KLHL4: variants seen among roughly 807,000 people sequenced by gnomAD.
KLHL4 encodes kelch-like protein 4.
Under a neutral mutation model 45.8 loss-of-function variants are expected in KLHL4, and 17 were observed. The observed-to-expected ratio is 0.37, with a 90% CI of 0.25 to 0.56. KLHL4 has a LOEUF of 0.56. KLHL4 is among the 20% of genes least tolerant of loss of function. KLHL4 has a pLI of 0.79. For synonymous variants in KLHL4, 224 were observed against 189.9 expected, an observed-to-expected ratio of 1.18 and a Z score of -1.47; for missense variants, 544 against 544.9, an observed-to-expected ratio of 1.00 and a Z score of 0.02.
chrX:87,606,355 G>T (rs5924056), intron 1 of KLHL4, among the ~76,000 whole-genome samples: 40,886 of 109,308 alleles, frequency 0.37, 5,950 homozygotes, highest in Middle Eastern at 0.47. Context: ...CCTAAAATTG[G>T]TAGAAGAAAA....
intron 1 of KLHL4, among the ~76,000 whole-genome samples, chrX:87,530,273 T>C (rs1403261434): frequency 9.5e-6 from 1 of 105,801 alleles, no homozygotes; most frequent in Non-Finnish European, 2.0e-5. Context: ...ATTTAAGTCT[T>C]TTTTTTTTTA....
chrX:87,617,785 T>C (rs1477404659), intron 3 of KLHL4, 147 bp from the exon 4 acceptor site: 1 of 441,899 alleles, frequency 2.3e-6, no homozygotes, highest in African/African-American at 2.5e-5. Flanking sequence ...CAGACTCTCT[T>C]GCGTATATTA....
At chrX:87,530,001 A>C (rs1056642903) in intron 1 of KLHL4, among the ~76,000 whole-genome samples, 1 of 111,656 alleles carries the variant, frequency 9.0e-6, no homozygotes, top group Non-Finnish European at 1.9e-5. Context: ...AGTGTGATAA[A>C]AATTCATCTC....
chrX:87,538,430 T>G (rs1031294009), intron 1 of KLHL4, among the ~76,000 whole-genome samples: 1 of 112,187 alleles, frequency 8.9e-6, no homozygotes, highest in African/African-American at 3.2e-5. Context: ...TTTTTGTTTT[T>G]TAGTGTTCCT....
In KLHL4 at chrX:87,649,391, T is replaced by C. The variant is rs140078748; in HGVS notation, c.1925+13616T>C. On this transcript the variant is annotated intron_variant, in intron 9 of 10. Transcript: ENST00000373119. The stretch of plus-strand genomic sequence containing the variant: ...TTTTTAAGGCTGAATATCATTATTA[T>C]AGTAGTTCCGTACATATTCTGGAAA... 8.7e-3 allele frequency among the ~76,000 whole-genome samples: 976 copies of C among 111,879 alleles called. 7 individuals are homozygous for C. The highest frequency in any genetic ancestry group is 0.03 in the African/African-American group (913 of 30,901).
intron 9 of KLHL4, among the ~76,000 whole-genome samples, chrX:87,655,608 G>A (rs748352635): frequency 9.0e-6 from 1 of 111,128 alleles, no homozygotes; most frequent in Non-Finnish European, 1.9e-5. Flanking sequence ...CTTGTAAGAA[G>A]TGTATGGTCG....
intron 1 of KLHL4, among the ~76,000 whole-genome samples, chrX:87,562,561 T>A (rs991081261): frequency 1.8e-5 from 2 of 108,991 alleles, no homozygotes; most frequent in African/African-American, 6.7e-5. Context: ...AAAAAAAAAA[T>A]TGTCTTTCAA....
Position 87,557,816 on chromosome X carries a change from G to T in KLHL4, c.422+39501G>T, listed in dbSNP as rs138500509. Among the ~76,000 whole-genome samples the T allele has an allele frequency of 4.2e-3, 470 of 111,500 alleles. 5 individuals carry two copies. The highest frequency in any genetic ancestry group is 0.015 in the African/African-American group (452 of 30,711). ...GGTACATGGATATAAATTTGAATTA[G>T]GAAGGGATCACAGTCCTCTTTCTTT... On this transcript the variant is annotated intron_variant, in intron 1 of 10. Transcript: ENST00000373119.
At chrX:87,580,725 A>T in intron 1 of KLHL4, among the ~76,000 whole-genome samples, 1 of 112,440 alleles carries the variant, frequency 8.9e-6, no homozygotes, top group East Asian at 2.8e-4. Context: ...TATATAAAAT[A>T]AACATTAAAG....
At chrX:87,660,220 A>G (rs1380594621) in intron 9 of KLHL4, among the ~76,000 whole-genome samples, 1 of 111,644 alleles carries the variant, frequency 9.0e-6, no homozygotes, top group East Asian at 2.8e-4. Context: ...AAGTTAGGGT[A>G]CAAGCCTGAC....
intron 1 of KLHL4, among the ~76,000 whole-genome samples, chrX:87,554,075 A>G (rs1931902366): frequency 1.0e-5 from 1 of 99,128 alleles, no homozygotes; most frequent in African/African-American, 3.7e-5. Context: ...CCATTGATCT[A>G]TATCTCTGTT....
chrX:87,534,531 G>A (rs1009729908), intron 1 of KLHL4, among the ~76,000 whole-genome samples: 15 of 111,213 alleles, frequency 1.3e-4, no homozygotes, highest in African/African-American at 6.5e-5. Context: ...TGACCAGGCG[G>A]ATGCTTAAAA....
chrX:87,623,831 T>C (rs1482056057), intron 5 of KLHL4, among the ~76,000 whole-genome samples: 1 of 111,811 alleles, frequency 8.9e-6, no homozygotes, highest in Admixed American at 9.6e-5. Flanking sequence ...TTAGAATCTA[T>C]GGAAATTTTA....
intron 9 of KLHL4, among the ~76,000 whole-genome samples, chrX:87,646,018 C>T (rs373810129): frequency 3.3e-4 from 37 of 110,622 alleles, no homozygotes; most frequent in African/African-American, 7.9e-4. Context: ...ACTCATGTAA[C>T]GAAATACCAC....
At chrX:87,605,979 A>G (rs1429403173) in intron 1 of KLHL4, among the ~76,000 whole-genome samples, 1 of 111,009 alleles carries the variant, frequency 9.0e-6, no homozygotes, top group Non-Finnish European at 1.9e-5. Flanking sequence ...TTCTGTGTCT[A>G]TTAAGATGAT....
At chrX:87,584,840 GA>G (rs1921408939) in intron 1 of KLHL4, among the ~76,000 whole-genome samples, 1 of 83,976 alleles carries the variant, frequency 1.2e-5, no homozygotes, top group African/African-American at 4.4e-5. Context: ...CCAAACCTAG[GA>G]AAAGTTATCC....
At position 87,517,862 on chromosome X, in the gene KLHL4, G is replaced by A. The variant is rs990793403; in HGVS notation, c.-32G>A. 145 of 1,164,131 alleles carry A rather than the reference G, an allele frequency of 1.2e-4. No individual in the cohort carries two copies. Among genetic ancestry groups the A allele is most frequent in the Non-Finnish European group, 1.6e-4 (143 of 872,136 alleles). On this transcript the variant is annotated 5_prime_UTR_variant, in exon 1 of 11. Transcript: ENST00000373119. ...AACAAAGGCTCCGTTTCCTTTCTGTGAGAGAAGGCTTTTGTCTTTCCTCCT... is the reference window on the plus strand; with the variant it reads ...AACAAAGGCTCCGTTTCCTTTCTGTAAGAGAAGGCTTTTGTCTTTCCTCCT...
chrX:87,626,114 T>C (rs1366875602), intron 6 of KLHL4, among the ~76,000 whole-genome samples: 1 of 111,839 alleles, frequency 8.9e-6, no homozygotes, highest in Non-Finnish European at 1.9e-5. Context: ...GTGAGACAGG[T>C]CTCAATTAAT....
chrX:87,574,069 A>T lies in KLHL4; in HGVS notation c.423-39808A>T, dbSNP rs897644812. Among the ~76,000 whole-genome samples the T allele has an allele frequency of 4.5e-5, 5 of 112,041 alleles. No individual in the cohort carries two copies. The South Asian group carries it at 1.1e-3, about 24-fold the overall frequency. On this transcript the variant is annotated intron_variant, in intron 1 of 10. Coordinates refer to ENST00000373119, the MANE Select transcript of KLHL4 (RefSeq NM_019117.5). ...CCAAGTCTATTCAAAACTAAAAAAA[A>T]TTATCACCTTGGAGGGAAGCATTTA...
Sources: allele counts gnomAD v4.1 joint callset (sites outside exome capture counted in the v4.1 genomes callset), GRCh38; gene constraint gnomAD v4.1.1; transcripts MANE v1.5; gene names NCBI Gene and HGNC (gene_info 2026-07-23, HGNC 2026-07-21).